BMERB1: variants seen among roughly 807,000 people sequenced by gnomAD.
The protein encoded by BMERB1 is bMERB domain-containing protein 1.
Under a neutral mutation model 23.6 loss-of-function variants are expected in BMERB1, and 12 were observed. The observed-to-expected ratio is 0.51, with a 90% CI of 0.33 to 0.82. The LOEUF (loss-of-function observed/expected upper bound fraction) is 0.82. BMERB1 is among the 40% of genes least tolerant of loss of function. The pLI is 0.03. For synonymous variants in BMERB1, 122 were observed against 96.6 expected (o/e 1.26, Z -1.54); for missense variants, 247 against 255.4 (o/e 0.97, Z 0.22).
chr16:15,555,526 G>C (rs2150967704), intron 2 of BMERB1, among the ~76,000 whole-genome samples: 1 of 152,268 alleles, frequency 6.6e-6, no homozygotes, highest in African/African-American at 2.4e-5. Context: ...TGGGAACAAG[G>C]GTCTTGAAGA....
At chr16:15,581,818 C>A (rs1258175936) in intron 4 of BMERB1, among the ~76,000 whole-genome samples, 1 of 152,198 alleles carries the variant, frequency 6.6e-6, no homozygotes, top group East Asian at 1.9e-4. Context: ...ACCTCGACAA[C>A]CACAGCCCTG....
intron 1 of BMERB1, among the ~76,000 whole-genome samples, chr16:15,494,961 G>A (rs781545551): frequency 1.5e-4 from 20 of 132,934 alleles, no homozygotes; most frequent in Admixed American, 8.9e-4. Flanking sequence ...TCAGCTCACT[G>A]CAATCTCTGC....
chr16:15,566,074 A>G (rs2030554667), intron 2 of BMERB1, among the ~76,000 whole-genome samples: 1 of 152,210 alleles, frequency 6.6e-6, no homozygotes, highest in African/African-American at 2.4e-5. Context: ...CTCAAACCTG[A>G]AAAGCCAGCC....
intron 2 of BMERB1, among the ~76,000 whole-genome samples, chr16:15,537,649 C>T (rs1258116007): frequency 6.8e-6 from 1 of 147,858 alleles, no homozygotes; most frequent in African/African-American, 2.5e-5. Context: ...CCACCATGCC[C>T]GGCCGAGAAA....
chr16:15,575,074 G>C (rs1246452995), intron 3 of BMERB1, among the ~76,000 whole-genome samples: 1 of 152,124 alleles, frequency 6.6e-6, no homozygotes, highest in East Asian at 1.9e-4. Flanking sequence ...GCAAGACTCT[G>C]CCTCAAATAA....
chr16:15,549,057 G>T (rs1181296235), intron 2 of BMERB1, among the ~76,000 whole-genome samples: 1 of 152,126 alleles, frequency 6.6e-6, no homozygotes. Flanking sequence ...GAATGACTGC[G>T]GCCGGATGTG....
chr16:15,544,587 T>C (rs1024621872), intron 2 of BMERB1, among the ~76,000 whole-genome samples: 3 of 152,240 alleles, frequency 2.0e-5, no homozygotes, highest in African/African-American at 7.2e-5. Context: ...GGGAGCTGGC[T>C]TGACACTCAC....
At chr16:15,453,669 C>T (rs555349950) in intron 1 of BMERB1, among the ~76,000 whole-genome samples, 2 of 152,016 alleles carry the variant, frequency 1.3e-5, no homozygotes, top group East Asian at 1.9e-4. Context: ...GTCAGGAGTT[C>T]GAGACCAGCC....
At chr16:15,449,068 A>G (rs2051017060) in intron 1 of BMERB1, among the ~76,000 whole-genome samples, 1 of 152,202 alleles carries the variant, frequency 6.6e-6, no homozygotes, top group African/African-American at 2.4e-5. Context: ...CAACAGAAAC[A>G]AAAAAACGAT....
intron 1 of BMERB1, among the ~76,000 whole-genome samples, chr16:15,484,169 C>T (rs867844445): frequency 1.4e-4 from 22 of 152,202 alleles, no homozygotes; most frequent in Admixed American, 3.3e-4. Context: ...GATCTGCTCC[C>T]ATCATCCAAA....
At chr16:15,561,946 C>T (rs2030433392) in intron 2 of BMERB1, among the ~76,000 whole-genome samples, 2 of 152,052 alleles carry the variant, frequency 1.3e-5, no homozygotes, top group Non-Finnish European at 2.9e-5. Context: ...CTGTGTAGGT[C>T]CCAGGCACTG....
chr16:15,512,936 G>A (rs2051689943), intron 1 of BMERB1, among the ~76,000 whole-genome samples: 3 of 151,892 alleles, frequency 2.0e-5, no homozygotes, highest in South Asian at 4.2e-4. Flanking sequence ...TGGGTATAAG[G>A]TATACCAACT....
chr16:15,533,371 G>A (rs1598500946), intron 2 of BMERB1, among the ~76,000 whole-genome samples: 2 of 151,398 alleles, frequency 1.3e-5, no homozygotes, highest in African/African-American at 2.4e-5. Flanking sequence ...AGGATATTAC[G>A]TGGAAGAGGA....
chr16:15,537,682 G>A (rs999360715), intron 2 of BMERB1, among the ~76,000 whole-genome samples: 20 of 140,226 alleles, frequency 1.4e-4, no homozygotes, highest in Non-Finnish European at 2.6e-4. Context: ...TTTAAGAGAC[G>A]GGCTTTCACT....
intron 1 of BMERB1, among the ~76,000 whole-genome samples, chr16:15,454,434 C>T (rs192756137): frequency 2.6e-5 from 4 of 152,292 alleles, no homozygotes; most frequent in African/African-American, 7.2e-5. Context: ...AAAGAGATTA[C>T]AGCACAGACC....
At chr16:15,525,252 T>A (rs1173775982) in intron 2 of BMERB1, among the ~76,000 whole-genome samples, 1 of 152,158 alleles carries the variant, frequency 6.6e-6, no homozygotes, top group Admixed American at 6.5e-5. Flanking sequence ...TTTCCGGCCT[T>A]TGAACGCAAA....
At chr16:15,482,162 A>G (rs1722993317) in intron 1 of BMERB1, among the ~76,000 whole-genome samples, 1 of 152,128 alleles carries the variant, frequency 6.6e-6, no homozygotes, top group African/African-American at 2.4e-5. Flanking sequence ...AGCCTGCTGT[A>G]GGTACCAGAT....
At chr16:15,532,288 G>A (rs58532199) in intron 2 of BMERB1, among the ~76,000 whole-genome samples, 7,091 of 152,008 alleles carry the variant, frequency 0.047, 528 homozygotes, top group African/African-American at 0.15. Flanking sequence ...CTGGAATGCA[G>A]TGGCTTGATC....
At chr16:15,549,015 T>C (rs1023999793) in intron 2 of BMERB1, among the ~76,000 whole-genome samples, 10 of 152,042 alleles carry the variant, frequency 6.6e-5, no homozygotes, top group Non-Finnish European at 1.0e-4. Flanking sequence ...TTAAGAGTTT[T>C]TTCCTTCAGT....
Sources: gnomAD v4.1 joint callset for allele counts (sites outside exome capture counted in the v4.1 genomes callset) on GRCh38, gnomAD v4.1.1 for gene constraint, MANE v1.5 for transcripts, NCBI Gene and HGNC (gene_info 2026-07-23, HGNC 2026-07-21) for gene names.